The following OPCML variants were observed in gnomAD, a reference collection of about 807,000 sequenced individuals.
OPCML encodes opioid binding protein/cell adhesion molecule like, also known as opioid-binding protein/cell adhesion molecule.
In OPCML, 13 loss-of-function variants were observed where a neutral mutation model predicts 37.8. The observed-to-expected ratio is 0.34, with a 90% CI of 0.22 to 0.55. OPCML has a LOEUF of 0.55. Ranked by LOEUF, OPCML falls within the 20% of genes least tolerant of loss-of-function variation. The pLI, the probability that OPCML is intolerant of heterozygous loss-of-function variation, is 0.91. For synonymous variants in OPCML, 176 were observed against 168.8 expected, an observed-to-expected ratio of 1.04 and a Z score of -0.33; for missense variants, 341 against 435.6, an observed-to-expected ratio of 0.78 and a Z score of 1.93.
At chr11:133,004,585 G>T in intron 1 of OPCML, 1 of 985,456 alleles carries the variant, frequency 1.0e-6, no homozygotes, top group Middle Eastern at 5.2e-4. Context: ...AGGCACTGCT[G>T]CTCCATGCGA....
chr11:133,040,889 T>TA (rs777164499), intron 1 of OPCML, among the ~76,000 whole-genome samples: 2 of 152,100 alleles, frequency 1.3e-5, no homozygotes, highest in African/African-American at 2.4e-5. Context: ...AAAGCAACGA[T>TA]ACCTGTAGAT....
Position 133,055,891 on chromosome 11 carries a change from C to T in OPCML, c.62-112881G>A, listed in dbSNP as rs116188540. Among the ~76,000 whole-genome samples, 956 of 148,766 alleles carry T rather than the reference C, an allele frequency of 6.4e-3. 14 individuals carry two copies. The highest frequency in any genetic ancestry group is 0.022 in the African/African-American group (895 of 39,978). ...ATGGTACTTCCAAGTGGTGAGACCC[C>T]GTGAGGGAGACGCCTCTACTGTACA... On this transcript the variant is annotated intron_variant, in intron 1 of 7. Coordinates refer to ENST00000524381, the MANE Select transcript of OPCML (RefSeq NM_001012393.5).
intron 1 of OPCML, among the ~76,000 whole-genome samples, chr11:133,373,898 C>G (rs1555147681): frequency 6.6e-6 from 1 of 151,890 alleles, no homozygotes; most frequent in African/African-American, 2.4e-5. Context: ...TATGTTTAAC[C>G]ACTTATTTAA....
intron 1 of OPCML, among the ~76,000 whole-genome samples, chr11:133,114,198 C>G (rs558408757): frequency 6.6e-6 from 1 of 152,134 alleles, no homozygotes; most frequent in Non-Finnish European, 1.5e-5. Context: ...GGGCCTCCCC[C>G]TGAACTGCTC....
intron 1 of OPCML, among the ~76,000 whole-genome samples, chr11:133,073,280 G>T (rs1052910880): frequency 2.6e-5 from 4 of 152,228 alleles, no homozygotes; most frequent in Non-Finnish European, 4.4e-5. Flanking sequence ...CAGGTGAGGG[G>T]CTCTCGGTTT....
In OPCML at chr11:133,140,349, T is replaced by TA. The variant is rs1198855625; in HGVS notation, c.62-197340dup. Among the ~76,000 whole-genome samples the TA allele has an allele frequency of 3.8e-3, 556 of 147,544 alleles. 1 individual carries two copies. The highest frequency in any genetic ancestry group is 5.7e-3 in the Non-Finnish European group (378 of 66,886). ...CAATGTGGTGAAATGCCATCTCTAC[T>TA]AAAAAAAATACAAAAATTAGCAGGG... On this transcript the variant is annotated intron_variant, in intron 1 of 7. Transcript: ENST00000524381.
intron 2 of OPCML, among the ~76,000 whole-genome samples, chr11:132,661,473 C>T (rs1307383191): frequency 6.6e-6 from 1 of 152,134 alleles, no homozygotes; most frequent in South Asian, 2.1e-4. Context: ...AAAGAGAACT[C>T]AGGGAAGGAC....
At chr11:133,309,968 C>A (rs1592189200) in intron 1 of OPCML, among the ~76,000 whole-genome samples, 1 of 152,032 alleles carries the variant, frequency 6.6e-6, no homozygotes, top group African/African-American at 2.4e-5. Flanking sequence ...GATGGACATG[C>A]AAATGAGGCC....
intron 1 of OPCML, among the ~76,000 whole-genome samples, chr11:133,184,815 T>C (rs937309937): frequency 6.6e-6 from 1 of 152,174 alleles, no homozygotes; most frequent in Non-Finnish European, 1.5e-5. Flanking sequence ...ACAGGATATA[T>C]GGAAATCTTT....
intron 1 of OPCML, among the ~76,000 whole-genome samples, chr11:133,501,081 T>C (rs1364007853): frequency 6.6e-6 from 1 of 152,134 alleles, no homozygotes; most frequent in South Asian, 2.1e-4. Flanking sequence ...CAGAGAATGC[T>C]GGGGAGCTCC....
At chr11:133,468,653 G>T (rs1463429880) in intron 1 of OPCML, among the ~76,000 whole-genome samples, 3 of 152,230 alleles carry the variant, frequency 2.0e-5, no homozygotes, top group African/African-American at 7.2e-5. Flanking sequence ...GAGAGCCCTT[G>T]CGGGCACCTT....
At chr11:133,140,904 C>A (rs866697497) in intron 1 of OPCML, among the ~76,000 whole-genome samples, 341 of 4,192 alleles carry the variant, frequency 0.081, 77 homozygotes, top group Admixed American at 0.1. Flanking sequence ...AAGACGACGA[C>A]GACGAAGAAG....
In OPCML at chr11:133,458,582, TACACATATATACAC is replaced by T. The variant is rs1565645571; in HGVS notation, c.61+73668_61+73681del. Among the ~76,000 whole-genome samples the T allele has an allele frequency of 4.0e-4, 44 of 108,806 alleles. 9 individuals carry two copies. The highest frequency in any genetic ancestry group is 1.8e-3 in the African/African-American group (16 of 8,652). 71.4% of individuals were successfully genotyped at this position (108,806 alleles called of 152,430 possible). A position where few individuals can be genotyped will look rare whatever the true frequency, so the allele number is the denominator to read the frequency against. On this transcript the variant is annotated intron_variant, in intron 1 of 7. Transcript: ENST00000524381. ...GTATACACATATATACACGTGTGTG[TACACATATATACAC>T]GTGTGTGTGTGTATACACATATATA...
chr11:133,140,873 A>ACGACGAAGGAGAAGGAGAAGG (rs1565468279), intron 1 of OPCML, among the ~76,000 whole-genome samples: 6 of 50,036 alleles, frequency 1.2e-4, no homozygotes, highest in African/African-American at 2.5e-4. Context: ...GACGACGACG[A>ACGACGAAGGAGAAGGAGAAGG]AGAAGACGAC....
At chr11:132,433,271 C>A (rs1391783824) in intron 7 of OPCML, among the ~76,000 whole-genome samples, 5 of 152,148 alleles carry the variant, frequency 3.3e-5, no homozygotes, top group Admixed American at 2.0e-4. Flanking sequence ...GTGAGTCATG[C>A]CGCTTTGATG....
intron 2 of OPCML, among the ~76,000 whole-genome samples, chr11:132,724,296 C>A (rs1944789422): frequency 1.3e-5 from 2 of 152,280 alleles, no homozygotes; most frequent in South Asian, 2.1e-4. Context: ...AGAATAAATT[C>A]TTGCCCCCAG....
intron 1 of OPCML, among the ~76,000 whole-genome samples, chr11:132,946,279 G>A (rs1358832457): frequency 6.6e-6 from 1 of 152,108 alleles, no homozygotes; most frequent in Non-Finnish European, 1.5e-5. Flanking sequence ...CCTCCTGAAG[G>A]ACCTGCCTGT....
chr11:133,471,031 G>C (rs1012152486), intron 1 of OPCML, among the ~76,000 whole-genome samples: 1 of 152,212 alleles, frequency 6.6e-6, no homozygotes, highest in Non-Finnish European at 1.5e-5. Context: ...AGTGTGATAG[G>C]AGCTACGAAG....
chr11:132,499,343 C>T (rs560716909), intron 4 of OPCML, among the ~76,000 whole-genome samples: 26 of 152,294 alleles, frequency 1.7e-4, no homozygotes, highest in South Asian at 1.0e-3. Flanking sequence ...ATGCCTGTTA[C>T]GCTGCCTCCC....
Sources: allele counts gnomAD v4.1 joint callset (sites outside exome capture counted in the v4.1 genomes callset), GRCh38; gene constraint gnomAD v4.1.1; transcripts MANE v1.5; gene names NCBI Gene and HGNC (gene_info 2026-07-23, HGNC 2026-07-21).